ATP2C1: variants seen among roughly 807,000 people sequenced by gnomAD.
The protein encoded by ATP2C1 is ATPase secretory pathway Ca2+ transporting 1.
A neutral mutation model predicts 120.5 loss-of-function variants in ATP2C1; 31 were observed. The ratio of observed to expected loss-of-function variants is 0.26; its 90% CI spans 0.19 to 0.35. The LOEUF (loss-of-function observed/expected upper bound fraction) is 0.35, where lower values mean the gene tolerates loss of function less well. ATP2C1 is among the 10% of genes least tolerant of loss of function. The pLI is 1.00. For missense variants in ATP2C1, 731 were observed against 1,107.5 expected, an observed-to-expected ratio of 0.66 and a Z score of 4.83; for synonymous variants, 351 against 358.7, an observed-to-expected ratio of 0.98 and a Z score of 0.24.
rs1334952747 is a variant in ATP2C1 at position 131,000,797 on chromosome 3, A to G, written c.2630-423A>G. The stretch of plus-strand genomic sequence containing the variant: ...TGCCTGCCTTATGGAATAGTTGTGA[A>G]ACAATGTGTTTGAAAGCTGTGGTGG... On this transcript the variant is annotated intron_variant, in intron 27 of 27. Transcript: ENST00000510168. 3.3e-5 allele frequency among the ~76,000 whole-genome samples: 5 copies of G among 152,088 alleles called. No individual in the cohort carries two copies. The South Asian group carries it at 1.0e-3, about 32-fold the overall frequency.
chr3:130,961,735 G>T (rs2060829405), intron 12 of ATP2C1, among the ~76,000 whole-genome samples: 1 of 152,010 alleles, frequency 6.6e-6, no homozygotes, highest in Admixed American at 6.6e-5. Context: ...ACAAAAATGA[G>T]AATTCAGAAT....
Position 130,959,271 on chromosome 3 carries a change from T to G in ATP2C1, c.833-4T>G. 1 of 1,601,356 alleles carries G rather than the reference T, an allele frequency of 6.2e-7. No individual in the cohort carries two copies. ...GGAAAAATAACTATTTAATTATCTT[T>G]CAGGAATCATCATGTTGGTTGGCTG... is the stretch of plus-strand genomic sequence containing the variant. On this transcript the variant is annotated splice_polypyrimidine_tract_variant and splice_region_variant and intron_variant, in intron 11 of 27. Transcript: ENST00000510168.
rs558607779 is a variant in ATP2C1, at chr3:130,887,897, G to C, written c.108+36969G>C. Among the ~76,000 whole-genome samples, 4 of 152,274 alleles carry C rather than the reference G, an allele frequency of 2.6e-5. No individual in the cohort carries two copies. The South Asian group carries it at 8.3e-4, about 32-fold the overall frequency. On this transcript the variant is annotated intron_variant, in intron 1 of 26. Coordinates refer to the ATP2C1 transcript ENST00000504381. The stretch of plus-strand genomic sequence containing the variant: ...TCCCCTCTGCTTTTCTCTAGCAAGA[G>C]GAGTCTCTCACCATAGCCACCACAG...
intron 17 of ATP2C1, among the ~76,000 whole-genome samples, chr3:130,971,418 C>A (rs1486024916): frequency 2.0e-5 from 3 of 152,120 alleles, no homozygotes; most frequent in Non-Finnish European, 4.4e-5. Context: ...AAACCCAACC[C>A]ACAGATGTGA....
At chr3:130,893,191 C>T (rs1243931886), upstream of ATP2C1, among the ~76,000 whole-genome samples, 1 of 152,050 alleles carries the variant, frequency 6.6e-6, no homozygotes, top group East Asian at 1.9e-4. Context: ...GGTAAGATGC[C>T]GAGCAAGTGA....
chr3:130,989,422 G>A (rs1023239260), intron 20 of ATP2C1, among the ~76,000 whole-genome samples: 4 of 151,408 alleles, frequency 2.6e-5, no homozygotes, highest in African/African-American at 9.7e-5. Flanking sequence ...AAAATTAGCT[G>A]GGCGTGGTGG....
In ATP2C1 at chr3:130,956,064, T is replaced by C. The variant is rs190423507; in HGVS notation, c.757-40T>C. 2.5e-5 allele frequency: 35 copies of C among 1,374,752 alleles called. No homozygotes were observed. In the African/African-American group the frequency reaches 4.9e-4, roughly 19 times the overall value. 85.2% of individuals were successfully genotyped at this position (1,374,752 alleles called of 1,614,324 possible). On this transcript the variant is annotated intron_variant, in intron 10 of 27. Transcript: ENST00000510168. ...CTGGCACTTGATAAAGCTTAGTAAA[T>C]ATAGCTAATTGTGGTGACACTCTTC...
At position 130,939,861 on chromosome 3, in the gene ATP2C1, C is replaced by G. The variant is rs1180598336; in HGVS notation, c.361-769C>G. ...GCAGTCATTTCAAAACATTCCCAAC[C>G]CTTCTACCTCCACTATTTGCCTCTC... On this transcript the variant is annotated intron_variant, in intron 6 of 27. Coordinates refer to ENST00000510168, the MANE Select transcript of ATP2C1 (RefSeq NM_001378687.1). 2.0e-5 allele frequency among the ~76,000 whole-genome samples: 3 copies of G among 152,146 alleles called. No homozygotes were observed. The East Asian group carries it at 5.8e-4, about 29-fold the overall frequency.
At chr3:130,916,839 C>G (rs1004115071) in intron 2 of ATP2C1, among the ~76,000 whole-genome samples, 2 of 152,086 alleles carry the variant, frequency 1.3e-5, no homozygotes, top group South Asian at 4.1e-4. Context: ...ATGGTGTTTT[C>G]TTGCCCACTT....
At chr3:130,868,379 G>C (rs1268620014) in intron 1 of ATP2C1, 1 of 138,864 alleles carries the variant, frequency 7.2e-6, no homozygotes, top group South Asian at 2.3e-4. Flanking sequence ...GAGGTGGGGG[G>C]GTCAGCCCCC....
chr3:130,974,474 A>C (rs2061460293), intron 17 of ATP2C1, among the ~76,000 whole-genome samples: 2 of 152,348 alleles, frequency 1.3e-5, no homozygotes, highest in South Asian at 4.1e-4. Flanking sequence ...TTATTGGCCA[A>C]AGCAAGTCAT....
At position 130,975,177 on chromosome 3, in the gene ATP2C1, A is replaced by G. The variant is rs546910513; in HGVS notation, c.1414-155A>G. On this transcript the variant is annotated intron_variant, in intron 17 of 27. Coordinates refer to ENST00000510168, the MANE Select transcript of ATP2C1 (RefSeq NM_001378687.1). ...AGATACAGAAAGCTCCCCTATAGGA[A>G]TATTTAATCTTCAGAGTTCAGGTGG... 5.9e-5 allele frequency among the ~76,000 whole-genome samples: 9 copies of G among 152,270 alleles called. No homozygotes were observed. The South Asian group carries it at 1.9e-3, about 32-fold the overall frequency.
intron 20 of ATP2C1, among the ~76,000 whole-genome samples, chr3:130,981,984 G>T (rs2061786316): frequency 6.6e-6 from 1 of 152,118 alleles, no homozygotes; most frequent in Non-Finnish European, 1.5e-5. Context: ...TTTCTTTCCA[G>T]TTGGTAGTGT....
intron 1 of ATP2C1, among the ~76,000 whole-genome samples, chr3:130,879,095 T>G (rs1240513563): frequency 1.3e-5 from 2 of 152,280 alleles, no homozygotes; most frequent in African/African-American, 4.8e-5. Flanking sequence ...CTCACTCTGT[T>G]GCCCAGGCTG....
intron 8 of ATP2C1, among the ~76,000 whole-genome samples, chr3:130,952,588 G>C (rs2060414748): frequency 6.6e-6 from 1 of 152,144 alleles, no homozygotes; most frequent in Non-Finnish European, 1.5e-5. Context: ...TACTGACTCA[G>C]CCTAAAATAT....
intron 1 of ATP2C1, among the ~76,000 whole-genome samples, chr3:130,874,012 A>G (rs1395736869): frequency 6.6e-6 from 1 of 152,004 alleles, no homozygotes; most frequent in Non-Finnish European, 1.5e-5. Context: ...CAGAAGGCTG[A>G]GGCAGGAGAA....
rs150110917 is a variant in ATP2C1 at position 130,986,383 on chromosome 3, C to A, written c.1839+5704C>A. 7.9e-5 allele frequency among the ~76,000 whole-genome samples: 12 copies of A among 152,214 alleles called. No homozygotes were observed. In the East Asian group the frequency reaches 2.1e-3, roughly 27 times the overall value. ...GAGATGCTAAAGGTGGTGAAACTTT[C>A]ATTTTATTTGCTTTCTTCAGTTTGT... is the stretch of plus-strand genomic sequence containing the variant. On this transcript the variant is annotated intron_variant, in intron 20 of 27. Coordinates refer to ENST00000510168, the MANE Select transcript of ATP2C1 (RefSeq NM_001378687.1).
intron 1 of ATP2C1, among the ~76,000 whole-genome samples, chr3:130,872,647 C>T (rs919971944): frequency 2.6e-5 from 4 of 151,470 alleles, no homozygotes; most frequent in Admixed American, 6.6e-5. Flanking sequence ...TGCAGTGGCA[C>T]GAAATCGGCT....
rs1302865337 is a variant in ATP2C1 at position 130,969,288 on chromosome 3, A to T, written c.1309-4A>T. 1 of 1,606,668 alleles carries T rather than the reference A, an allele frequency of 6.2e-7. No homozygotes were observed. Among genetic ancestry groups the T allele is most frequent in the East Asian group, 2.2e-5 (1 of 44,784 alleles). On this transcript the variant is annotated splice_region_variant and splice_polypyrimidine_tract_variant and intron_variant, in intron 16 of 27. Coordinates refer to ENST00000510168, the MANE Select transcript of ATP2C1 (RefSeq NM_001378687.1). ...AGAATTAACTTTCTCTTTGTGCCAT[A>T]TAGATGGGTCTTGATGGACTTCAAC...
Sources: gnomAD v4.1 joint callset for allele counts (sites outside exome capture counted in the v4.1 genomes callset) on GRCh38, gnomAD v4.1.1 for gene constraint, MANE v1.5 for transcripts, NCBI Gene and HGNC (gene_info 2026-07-23, HGNC 2026-07-21) for gene names.